COL4A1: variants seen among roughly 807,000 people sequenced by gnomAD.
COL4A1 encodes collagen alpha-1(IV) chain.
COL4A1 carries 40 observed loss-of-function variants against 216.6 expected under a neutral mutation model. That is an observed-to-expected ratio of 0.18 (90% CI 0.14 to 0.24). The LOEUF is 0.24. COL4A1 is among the 10% of genes least tolerant of loss of function. The pLI is 1.00. For missense variants in COL4A1, 1,628 were observed against 2,196.8 expected, an observed-to-expected ratio of 0.74 and a Z score of 5.18; for synonymous variants, 839 against 810.7, an observed-to-expected ratio of 1.03 and a Z score of -0.59.
rs75605313 is a variant in COL4A1 at position 110,206,742 on chromosome 13, T to C, written c.808-27A>G. On this transcript the variant is annotated intron_variant, in intron 14 of 51. Coordinates refer to ENST00000375820, the MANE Select transcript of COL4A1 (RefSeq NM_001845.6). ...TTAAAGGAATAAAAAGACAAAGAGATTTATTCGTCTATTTAAGCAAAATTT... is the reference window on the plus strand; with the variant it reads ...TTAAAGGAATAAAAAGACAAAGAGACTTATTCGTCTATTTAAGCAAAATTT... 2.5e-4 allele frequency: 411 copies of C among 1,612,560 alleles called. 3 individuals are homozygous for C. In the East Asian group the frequency reaches 9.1e-3, roughly 36 times the overall value.
At chr13:110,299,299 C>T (rs1884402793) in intron 1 of COL4A1, among the ~76,000 whole-genome samples, 1 of 152,200 alleles carries the variant, frequency 6.6e-6, no homozygotes, top group South Asian at 2.1e-4. Context: ...CCCCACACCT[C>T]CAAAAACAGA....
intron 1 of COL4A1, among the ~76,000 whole-genome samples, chr13:110,294,873 T>C (rs1392671236): frequency 6.6e-6 from 1 of 152,216 alleles, no homozygotes; most frequent in Non-Finnish European, 1.5e-5. Flanking sequence ...GCCTGGCACA[T>C]AGTGGGTGTA....
chr13:110,195,223 T>C, intron 21 of COL4A1, 105 bp from the exon 22 acceptor site: 1 of 911,292 alleles, frequency 1.1e-6, no homozygotes, highest in Non-Finnish European at 1.8e-6. Context: ...ATTTGACAAG[T>C]GTTAGAAATT....
intron 2 of COL4A1, among the ~76,000 whole-genome samples, chr13:110,222,771 T>TAAAAAAAAAAAAAAAA (rs751501177): frequency 1.5e-4 from 14 of 93,412 alleles, no homozygotes; most frequent in East Asian, 6.8e-4. Context: ...AGACTCTGCT[T>TAAAAAAAAAAAAAAAA]TAAAAAAAAA....
rs944085788 is a variant in COL4A1 at position 110,163,598 on chromosome 13, G to T, written c.4151-37C>A. ...GAAAAATAATTTATGATCCTGTATG[G>T]CAGTAAGCTGTATCTCTTTCTTCCC... On this transcript the variant is annotated intron_variant, in intron 46 of 51. Transcript: ENST00000375820. 7 of 1,548,096 alleles carry T rather than the reference G, an allele frequency of 4.5e-6. No individual in the cohort carries two copies. In the South Asian group the frequency reaches 8.0e-5, roughly 18 times the overall value.
chr13:110,220,896 C>T (rs542202684), intron 2 of COL4A1, among the ~76,000 whole-genome samples: 1 of 152,314 alleles, frequency 6.6e-6, no homozygotes, highest in South Asian at 2.1e-4. Flanking sequence ...AACTTTTATA[C>T]TGGACTTCTG....
intron 1 of COL4A1, among the ~76,000 whole-genome samples, chr13:110,263,612 C>A (rs985370737): frequency 1.1e-4 from 17 of 152,114 alleles, no homozygotes; most frequent in African/African-American, 4.1e-4. Context: ...TACCACCATG[C>A]CCAGCTCCTG....
chr13:110,203,543 C>T, intron 18 of COL4A1, 23 bp downstream of exon 18: 3 of 1,613,778 alleles, frequency 1.9e-6, no homozygotes, highest in Non-Finnish European at 2.5e-6. Flanking sequence ...TCTCACAGAC[C>T]CAGGGACAGC....
chr13:110,200,829 T>G, intron 20 of COL4A1, 25 bp downstream of exon 20: 1 of 1,612,360 alleles, frequency 6.2e-7, no homozygotes. Context: ...AAGTATGCTA[T>G]AACAAATCAG....
At chr13:110,157,179 G>T (rs1388946395) in intron 49 of COL4A1, among the ~76,000 whole-genome samples, 3 of 152,198 alleles carry the variant, frequency 2.0e-5, no homozygotes. Flanking sequence ...CTAAGGCCAG[G>T]GTTAGTTGTG....
intron 2 of COL4A1, among the ~76,000 whole-genome samples, chr13:110,235,425 C>T (rs924106284): frequency 7.2e-5 from 11 of 152,008 alleles, no homozygotes; most frequent in Middle Eastern, 3.4e-3. Flanking sequence ...CTGAGGCGGG[C>T]GGATCACAAG....
chr13:110,275,583 C>G (rs576347095), intron 1 of COL4A1, among the ~76,000 whole-genome samples: 2 of 152,216 alleles, frequency 1.3e-5, no homozygotes, highest in Non-Finnish European at 2.9e-5. Flanking sequence ...TATGTCCACA[C>G]GAAACCCTGC....
At chr13:110,243,401 T>G (rs750648157) in intron 1 of COL4A1, among the ~76,000 whole-genome samples, 2 of 152,002 alleles carry the variant, frequency 1.3e-5, no homozygotes, top group Admixed American at 6.6e-5. Context: ...CACTGCAACC[T>G]CCACCTCTCC....
chr13:110,296,211 C>T lies in COL4A1; in HGVS notation c.84+10733G>A, dbSNP rs999719985. Among the ~76,000 whole-genome samples, 6 of 152,336 alleles carry T rather than the reference C, an allele frequency of 3.9e-5. No individual in the cohort carries two copies. In the East Asian group the frequency reaches 5.8e-4, roughly 15 times the overall value. On this transcript the variant is annotated intron_variant, in intron 1 of 51. Transcript: ENST00000375820. ...CACCACCTACGCGAAACCACGGCAA[C>T]GTGCCTTGTTTCAATTTGCTTTTGT...
chr13:110,197,551 G>A (rs1317037268), intron 21 of COL4A1, among the ~76,000 whole-genome samples: 1 of 152,114 alleles, frequency 6.6e-6, no homozygotes, highest in East Asian at 1.9e-4. Context: ...AATCACAAGA[G>A]CAGAGGAGAA....
chr13:110,163,395 C>T, intron 47 of COL4A1, 68 bp downstream of exon 47: 2 of 1,389,134 alleles, frequency 1.4e-6, no homozygotes, highest in South Asian at 1.2e-5. Flanking sequence ...TTCCCCATGC[C>T]TGGTTCTGCT....
chr13:110,152,614 C>T, intron 50 of COL4A1, 108 bp from the exon 51 acceptor site: 5 of 1,277,996 alleles, frequency 3.9e-6, no homozygotes, highest in Non-Finnish European at 4.4e-6. Context: ...GAAAGCCACA[C>T]ACTGCAGCCT....
intron 1 of COL4A1, among the ~76,000 whole-genome samples, chr13:110,301,601 A>G (rs1190284713): frequency 2.0e-5 from 3 of 152,222 alleles, no homozygotes; most frequent in African/African-American, 7.2e-5. Context: ...CCAGATAGTC[A>G]ACAATATTTC....
At chr13:110,305,680 G>A (rs1464911383) in intron 1 of COL4A1, 1 of 152,232 alleles carries the variant, frequency 6.6e-6, no homozygotes, top group Non-Finnish European at 1.5e-5. Context: ...TGGGCTGGGA[G>A]GTACAATCTG....
Sources: gnomAD v4.1 joint callset for allele counts (sites outside exome capture counted in the v4.1 genomes callset) on GRCh38, gnomAD v4.1.1 for gene constraint, MANE v1.5 for transcripts, NCBI Gene and HGNC (gene_info 2026-07-23, HGNC 2026-07-21) for gene names.